Variants in HELZ observed in about 807,000 individuals in gnomAD.
The protein encoded by HELZ is helicase with zinc finger, also known as ATP-dependent RNA helicase with zinc finger domain.
HELZ carries 23 observed loss-of-function variants against 218.2 expected under a neutral mutation model. The ratio of observed to expected loss-of-function variants is 0.11; its 90% CI spans 0.08 to 0.15. HELZ has a LOEUF of 0.15. Ranked by LOEUF, HELZ falls within the 10% of genes least tolerant of loss-of-function variation. The pLI, the probability that HELZ is intolerant of heterozygous loss-of-function variation, is 1.00. For synonymous variants in HELZ, 814 were observed against 829.4 expected, an observed-to-expected ratio of 0.98 and a Z score of 0.32; for missense variants, 1,813 against 2,353.7, an observed-to-expected ratio of 0.77 and a Z score of 4.75.
rs1323540907 is a variant in HELZ, at chr17:67,108,452, G to A, written c.4724+40C>T. 1.4e-6 allele frequency: 2 copies of A among 1,435,244 alleles called. No individual in the cohort carries two copies. Among genetic ancestry groups the A allele is most frequent in the African/African-American group, 1.4e-5 (1 of 71,192 alleles). 88.9% of individuals were successfully genotyped at this position (1,435,244 alleles called of 1,614,324 possible). ...ACAGTCAAAAAAGAGAACAGTGAGGGGGTCGCATTCCAGGGGCTATTTTCA... is the reference window on the plus strand; with the variant it reads ...ACAGTCAAAAAAGAGAACAGTGAGGAGGTCGCATTCCAGGGGCTATTTTCA... On this transcript the variant is annotated intron_variant, in intron 30 of 32. Transcript: ENST00000358691. The surrounding 1 kb of genome is among the most constrained non-coding windows in gnomAD (Gnocchi z 4.1).
chr17:67,098,481 T>A (rs112805198), intron 31 of HELZ, among the ~76,000 whole-genome samples: 361 of 151,558 alleles, frequency 2.4e-3, no homozygotes, highest in African/African-American at 8.4e-3. Flanking sequence ...ACGCCTGTAA[T>A]CCCAGCCCTT....
intron 12 of HELZ, among the ~76,000 whole-genome samples, chr17:67,184,610 G>A (rs1359844176): frequency 6.6e-6 from 1 of 152,050 alleles, no homozygotes; most frequent in Non-Finnish European, 1.5e-5. Context: ...ACCAGCCTGA[G>A]CAACACAGAG....
intron 13 of HELZ, among the ~76,000 whole-genome samples, chr17:67,174,316 T>C (rs920344938): frequency 3.3e-5 from 5 of 152,136 alleles, no homozygotes; most frequent in Middle Eastern, 3.4e-3. Flanking sequence ...AAAATGACCA[T>C]GTAAAAGGCA....
chr17:67,155,843 GAAAA>G (rs984939821), intron 17 of HELZ, among the ~76,000 whole-genome samples: 4 of 96,614 alleles, frequency 4.1e-5, no homozygotes, highest in African/African-American at 1.6e-4. Flanking sequence ...TCTTAAAAAA[GAAAA>G]AAAAAAAAGA....
intron 10 of HELZ, among the ~76,000 whole-genome samples, chr17:67,189,951 A>C (rs1467150494): frequency 6.6e-6 from 1 of 152,228 alleles, no homozygotes; most frequent in Non-Finnish European, 1.5e-5. Context: ...TTAATACAGT[A>C]CAGGCAAATC....
chr17:67,151,048 G>T lies in HELZ; in HGVS notation c.2354C>A (p.Pro785His), dbSNP rs143222880. 6.2e-7 allele frequency: 1 copy of T among 1,613,030 alleles called. No individual in the cohort carries two copies. Among genetic ancestry groups the T allele is most frequent in the African/African-American group, 1.3e-5 (1 of 74,864 alleles). ...SQYLCQLDLE[P>H]GFFTHILLDE... ...GACTGTGTCTTGAGTCAGCATACCA[G>T]GTTCAAGGTCCAACTGACAGAGGTA... is the stretch of plus-strand genomic sequence containing the variant. Residue 785 changes from proline (P) to histidine (H), a missense_variant and splice_region_variant, in exon 18 of 33, where the codon CCT (proline) becomes CAT (histidine). By Grantham distance (77) the Pro-to-His change is moderately conservative. Coordinates refer to ENST00000358691, the MANE Select transcript of HELZ (RefSeq NM_014877.4).
Position 67,166,556 on chromosome 17 carries a change from G to C in HELZ, c.1817C>G (p.Ala606Gly), listed in dbSNP as rs2144145824. The change falls in exon 15 of 33, where the codon GCA becomes GGA. Residue 606 changes from alanine (A) to glycine (G), a missense_variant. By Grantham distance (60) the Ala-to-Gly change is moderately conservative (BLOSUM62 0). Around this residue, in one of 4 missense-constraint regions of HELZ, gnomAD observed 714 missense variants for 1,029.2 expected, o/e 0.69. Coordinates refer to ENST00000358691, the MANE Select transcript of HELZ (RefSeq NM_014877.4). ...CCCATTGTCCTTGATCCTGTCTAGT[G>C]CATAGTGCATTTCACAGAGGGGTAA... Reference protein sequence around the residue: ...NRLPLCEMHYALDRIKDNGVL... With the variant: ...NRLPLCEMHYGLDRIKDNGVL... The C allele has an allele frequency of 6.2e-7, 1 of 1,612,302 alleles. No homozygotes were observed. The highest frequency in any genetic ancestry group is 1.1e-5 in the South Asian group (1 of 91,056).
At chr17:67,163,827 C>T (rs2039060695) in intron 15 of HELZ, among the ~76,000 whole-genome samples, 1 of 152,170 alleles carries the variant, frequency 6.6e-6, no homozygotes, top group African/African-American at 2.4e-5. Flanking sequence ...AGCCCATTAC[C>T]ATTACAACTA....
At chr17:67,184,015 A>AG (rs914927398) in intron 12 of HELZ, among the ~76,000 whole-genome samples, 53 of 152,204 alleles carry the variant, frequency 3.5e-4, no homozygotes, top group African/African-American at 1.3e-3. Context: ...ATTTAAAAAA[A>AG]AAAAGAAACC....
chr17:67,217,996 G>A (rs1183823369), intron 4 of HELZ, among the ~76,000 whole-genome samples: 1 of 151,096 alleles, frequency 6.6e-6, no homozygotes, highest in Non-Finnish European at 1.5e-5. Context: ...GGGCAGTGGT[G>A]CAACCTCGGC....
chr17:67,120,646 G>A (rs1383608382), intron 26 of HELZ, 34 bp from the exon 27 acceptor site: 4 of 1,512,258 alleles, frequency 2.6e-6, no homozygotes, highest in South Asian at 2.3e-5. Flanking sequence ...CATGCATTAA[G>A]TATATTTTGG....
intron 5 of HELZ, among the ~76,000 whole-genome samples, chr17:67,213,348 G>A (rs2040506123): frequency 1.3e-5 from 2 of 152,164 alleles, no homozygotes; most frequent in South Asian, 4.1e-4. Context: ...TATAGGCCGG[G>A]CGCAGTGGCT....
intron 13 of HELZ, among the ~76,000 whole-genome samples, chr17:67,170,592 C>T (rs187437503): frequency 5.1e-4 from 78 of 151,816 alleles, no homozygotes; most frequent in Non-Finnish European, 1.1e-3. Context: ...TTTGGGAGGC[C>T]GAGGCGGGAA....
chr17:67,190,879 T>C (rs2144295022), intron 9 of HELZ, among the ~76,000 whole-genome samples: 2 of 152,238 alleles, frequency 1.3e-5, no homozygotes, highest in East Asian at 3.9e-4. Flanking sequence ...CTGGCTAGTT[T>C]TTGTATTTTT....
At chr17:67,193,902 A>G (rs1490784417) in intron 9 of HELZ, 65 bp downstream of exon 9, 7 of 1,198,138 alleles carry the variant, frequency 5.8e-6, no homozygotes, top group Non-Finnish European at 8.6e-6. Context: ...TCCATTAGAT[A>G]AGGAAAATTA....
At chr17:67,170,946 T>C (rs185103852) in intron 13 of HELZ, among the ~76,000 whole-genome samples, 29 of 152,260 alleles carry the variant, frequency 1.9e-4, no homozygotes, top group African/African-American at 6.3e-4. Flanking sequence ...ATTAAAACTT[T>C]CTCAGAGGGA....
intron 28 of HELZ, among the ~76,000 whole-genome samples, chr17:67,110,616 C>A (rs1261317506): frequency 6.6e-6 from 1 of 152,222 alleles, no homozygotes; most frequent in Admixed American, 6.5e-5. Flanking sequence ...TCAGCCTACA[C>A]ATCAAGAGCC....
chr17:67,091,875 A>C (rs1461444711), intron 31 of HELZ, among the ~76,000 whole-genome samples: 1 of 152,148 alleles, frequency 6.6e-6, no homozygotes, highest in African/African-American at 2.4e-5. Flanking sequence ...CTACTAACTT[A>C]TTTCAATTTA....
At chr17:67,169,463 A>AC (rs1338654993) in intron 13 of HELZ, among the ~76,000 whole-genome samples, 5 of 152,162 alleles carry the variant, frequency 3.3e-5, no homozygotes, top group Non-Finnish European at 5.9e-5. Context: ...CACTCTTCTA[A>AC]CAGCCCACTC....
Sources: gnomAD v4.1 joint callset for allele counts (sites outside exome capture counted in the v4.1 genomes callset) on GRCh38, gnomAD v4.1.1 for gene constraint, gnomAD v4.1.1 regional missense constraint, Gnocchi (gnomAD v3.1) non-coding constraint, MANE v1.5 for transcripts, NCBI Gene and HGNC (gene_info 2026-07-23, HGNC 2026-07-21) for gene names.